The following SMAD5 variants were observed in gnomAD, a reference collection of about 807,000 sequenced individuals.
SMAD5 encodes the protein SMAD family member 5.
In SMAD5, 9 loss-of-function variants were observed where a neutral mutation model predicts 43.1. The ratio of observed to expected loss-of-function variants is 0.21; its 90% CI spans 0.13 to 0.36. The LOEUF (loss-of-function observed/expected upper bound fraction) is 0.36, where lower values mean the gene tolerates loss of function less well. Among genes scored for constraint, SMAD5 ranks in the 10% least tolerant of loss-of-function variants. The pLI is 1.00. For missense variants in SMAD5, 348 were observed against 574.0 expected (o/e 0.61, Z 4.02); for synonymous variants, 190 against 192.4 (o/e 0.99, Z 0.10).
At position 136,172,605 on chromosome 5, in the gene SMAD5, A is replaced by G. The variant is rs373536673; in HGVS notation, c.947A>G (p.Asn316Ser). 1.9e-6 allele frequency: 3 copies of G among 1,613,270 alleles called. No individual in the cohort carries two copies. The highest frequency in any genetic ancestry group is 2.5e-6 in the Non-Finnish European group (3 of 1,179,364). ...AGATTCTGCTTGGGTTTGTTGTCAA[A>G]TGTTAATCGTAATTCGACAATTGAA... is the stretch of plus-strand genomic sequence containing the variant. ...KSRFCLGLLS[N>S]VNRNSTIENT... The change falls in exon 6 of 8, where the codon AAT (asparagine) becomes AGT (serine). Residue 316 changes from asparagine (N) to serine (S), a missense_variant. Asn to Ser is a conservative substitution (Grantham distance 46). Around this residue, in one of 5 missense-constraint regions of SMAD5, gnomAD observed 97 missense variants for 211.8 expected, o/e 0.46. Transcript: ENST00000545279.
Position 136,137,270 on chromosome 5 carries a change from A to ACCCCCCCCCCCC in SMAD5, c.-245+4317_-245+4318insCCCCCCCCCCCC, listed in dbSNP as rs61537356. On this transcript the variant is annotated intron_variant, in intron 1 of 7. Transcript: ENST00000545279. ...AGGTTTTGCTCTTGAATTTTTTGGG[A>ACCCCCCCCCCCC]CCCCCCCCCGCATCTCTTCCTATAG... Among the ~76,000 whole-genome samples the ACCCCCCCCCCCC allele has an allele frequency of 3.5e-4, 44 of 125,204 alleles. 3 individuals carry two copies. The highest frequency in any genetic ancestry group is 5.9e-4 in the African/African-American group (19 of 32,002). The allele number at this position is 125,204 out of a possible 152,430, so 82.1% of individuals were successfully genotyped here.
intron 1 of SMAD5, chr5:136,133,700 T>C (rs1234889554): frequency 6.5e-6 from 1 of 152,850 alleles, no homozygotes; most frequent in African/African-American, 2.4e-5. Context: ...CAAATTAATA[T>C]TCCAGTCTCT....
chr5:136,162,487 T>G (rs17169906), intron 4 of SMAD5, among the ~76,000 whole-genome samples: 4,639 of 152,326 alleles, frequency 0.03, 99 homozygotes, highest in African/African-American at 0.059. Context: ...AAGTGCCAGC[T>G]GTTTAACTTG....
At chr5:136,166,317 C>T (rs902559624) in intron 5 of SMAD5, among the ~76,000 whole-genome samples, 3 of 151,958 alleles carry the variant, frequency 2.0e-5, no homozygotes, top group Non-Finnish European at 2.9e-5. Flanking sequence ...TTTCTTAAAA[C>T]AATGTGTTTT....
intron 2 of SMAD5, among the ~76,000 whole-genome samples, chr5:136,152,414 T>C (rs957329482): frequency 2.0e-5 from 3 of 152,198 alleles, no homozygotes; most frequent in Admixed American, 6.5e-5. Flanking sequence ...TTATTTACTT[T>C]ATGTTATTGT....
intron 6 of SMAD5, 66 bp downstream of exon 6, chr5:136,172,721 C>A: frequency 3.6e-6 from 4 of 1,105,650 alleles, no homozygotes; most frequent in South Asian, 1.3e-5. Context: ...ATGAACCATG[C>A]ATTGTGAAAG....
At chr5:136,136,551 G>T (rs1383463148) in intron 1 of SMAD5, among the ~76,000 whole-genome samples, 1 of 152,180 alleles carries the variant, frequency 6.6e-6, no homozygotes, top group African/African-American at 2.4e-5. Context: ...TAAAGATTTA[G>T]AACTCTTTTG....
chr5:136,145,821 C>T lies in SMAD5; in HGVS notation c.-244-2011C>T, dbSNP rs191120080. Among the ~76,000 whole-genome samples the T allele has an allele frequency of 3.7e-4, 56 of 151,982 alleles. 1 individual carries two copies. Among genetic ancestry groups the T allele is most frequent in the Non-Finnish European group, 5.9e-5 (4 of 67,856 alleles). Reference sequence around the variant, plus strand: ...GTAAGTGTTAGATCCAGAATTTGAACCCAAGTTTATTAGGCTTCAAATCCG... The same window carrying T: ...GTAAGTGTTAGATCCAGAATTTGAATCCAAGTTTATTAGGCTTCAAATCCG... On this transcript the variant is annotated intron_variant, in intron 1 of 7. Coordinates refer to ENST00000545279, the MANE Select transcript of SMAD5 (RefSeq NM_005903.7).
intron 1 of SMAD5, among the ~76,000 whole-genome samples, chr5:136,140,842 A>G (rs1753057368): frequency 6.6e-6 from 1 of 151,766 alleles, no homozygotes; most frequent in Non-Finnish European, 1.5e-5. Context: ...ATTCACTTCT[A>G]TATTCCCAGC....
At chr5:136,136,908 G>GC (rs1195658235) in intron 1 of SMAD5, among the ~76,000 whole-genome samples, 10 of 152,104 alleles carry the variant, frequency 6.6e-5, no homozygotes, top group Non-Finnish European at 1.2e-4. Context: ...CGTTGGCCAG[G>GC]CTGGTCTCGA....
Position 136,151,691 on chromosome 5 carries a change from C to T in SMAD5, c.-169-1901C>T, listed in dbSNP as rs149794919. Among the ~76,000 whole-genome samples, 53 of 152,146 alleles carry T rather than the reference C, an allele frequency of 3.5e-4. No homozygotes were observed. The East Asian group carries it at 8.9e-3, about 26-fold the overall frequency. On this transcript the variant is annotated intron_variant, in intron 2 of 7. Transcript: ENST00000545279. Reference sequence around the variant, plus strand: ...TCATACACATACTCTCTCACACATACGTACACTACCCTATCTAGCCCCCCA... The same window carrying T: ...TCATACACATACTCTCTCACACATATGTACACTACCCTATCTAGCCCCCCA...
At chr5:136,173,510 T>C (rs113929239) in intron 6 of SMAD5, among the ~76,000 whole-genome samples, 45 of 152,286 alleles carry the variant, frequency 3.0e-4, no homozygotes, top group African/African-American at 1.0e-3. Flanking sequence ...AAGTTTTCAT[T>C]GTCTTGAGTT....
chr5:136,142,955 A>G (rs902099435), intron 1 of SMAD5, among the ~76,000 whole-genome samples: 3 of 152,172 alleles, frequency 2.0e-5, no homozygotes, highest in Admixed American at 1.3e-4. Context: ...TATTCCTGAC[A>G]TACACTAGTG....
rs1053562246 is a variant in SMAD5, at chr5:136,148,551, A to G, written c.-170+645A>G. The stretch of plus-strand genomic sequence containing the variant: ...ACAAAAAGGCAAAACTATAAAATAC[A>G]TCACATTATCCCCATGGGTCTTGGG... On this transcript the variant is annotated intron_variant, in intron 2 of 7. Coordinates refer to ENST00000545279, the MANE Select transcript of SMAD5 (RefSeq NM_005903.7). Among the ~76,000 whole-genome samples, 10 of 151,814 alleles carry G rather than the reference A, an allele frequency of 6.6e-5. 1 individual carries two copies. The highest frequency in any genetic ancestry group is 1.3e-4 in the Non-Finnish European group (9 of 67,790).
chr5:136,142,563 C>CT (rs1753121070), intron 1 of SMAD5, among the ~76,000 whole-genome samples: 1 of 152,094 alleles, frequency 6.6e-6, no homozygotes, highest in African/African-American at 2.4e-5. Context: ...GGTCATTTCT[C>CT]TAAGAAATGA....
intron 3 of SMAD5, among the ~76,000 whole-genome samples, chr5:136,157,847 T>G (rs1451823537): frequency 6.6e-6 from 1 of 152,176 alleles, no homozygotes; most frequent in African/African-American, 2.4e-5. Flanking sequence ...CCTGATCTAA[T>G]AGACAGTATT....
At chr5:136,150,692 T>C (rs1753427304) in intron 2 of SMAD5, among the ~76,000 whole-genome samples, 1 of 151,664 alleles carries the variant, frequency 6.6e-6, no homozygotes, top group Non-Finnish European at 1.5e-5. Flanking sequence ...GATCAGAAGG[T>C]GTGTATAGTG....
At position 136,178,367 on chromosome 5, in the gene SMAD5, A is replaced by G. The variant is rs12719481; in HGVS notation, c.*887A>G. 0.36 allele frequency: 54,447 copies of G among 152,514 alleles called. 10,603 individuals are homozygous for G. Among genetic ancestry groups the G allele is most frequent in the African/African-American group, 0.53 (21,859 of 41,476 alleles). The allele number at this position is 152,514 out of a possible 1,614,324, so 9.4% of individuals were successfully genotyped here. A position where few individuals can be genotyped will look rare whatever the true frequency, so the allele number is the denominator to read the frequency against. ...GACAGTTTTTAGCATAACCTTTGAT[A>G]AAATACACTCAAGTGACTTGGACTT... is the stretch of plus-strand genomic sequence containing the variant. On this transcript the variant is annotated 3_prime_UTR_variant, in exon 8 of 8. Coordinates refer to ENST00000545279, the MANE Select transcript of SMAD5 (RefSeq NM_005903.7).
At position 136,150,887 on chromosome 5, in the gene SMAD5, T is replaced by G. The variant is rs79843377; in HGVS notation, c.-169-2705T>G. On this transcript the variant is annotated intron_variant, in intron 2 of 7. Transcript: ENST00000545279. ...TGTGACTTAGGAACCATCATCTCTA[T>G]TTTACAGAAAAGTTAATAGGCTTTG... Among the ~76,000 whole-genome samples, 1,492 of 152,104 alleles carry G rather than the reference T, an allele frequency of 9.8e-3. 65 individuals carry two copies. Among genetic ancestry groups the G allele is most frequent in the Admixed American group, 0.077 (1,176 of 15,256 alleles).
Sources: allele counts gnomAD v4.1 joint callset (sites outside exome capture counted in the v4.1 genomes callset), GRCh38; gene constraint gnomAD v4.1.1; regional missense constraint gnomAD v4.1.1; transcripts MANE v1.5; gene names NCBI Gene and HGNC (gene_info 2026-07-23, HGNC 2026-07-21).